HERC3: variants seen among roughly 807,000 people sequenced by gnomAD.
HERC3 encodes probable E3 ubiquitin-protein ligase HERC3.
In HERC3, 58 loss-of-function variants were observed where a neutral mutation model predicts 129.9. That is an observed-to-expected ratio of 0.45 (90% CI 0.36 to 0.56). HERC3 has a LOEUF of 0.56. Ranked by LOEUF, HERC3 falls within the 20% of genes least tolerant of loss-of-function variation. HERC3 has a pLI of 0.00. For missense variants in HERC3, 835 were observed against 1,244.2 expected (o/e 0.67, Z 4.95); for synonymous variants, 430 against 451.0 (o/e 0.95, Z 0.59).
chr4:88,543,180 T>C, the HERC3 span, among the ~76,000 whole-genome samples: 1 of 152,202 alleles, frequency 6.6e-6, no homozygotes, highest in Non-Finnish European at 1.5e-5. Context: ...ATTGTAAATT[T>C]AGAAGATCCC....
chr4:88,570,778 A>G, the HERC3 span, among the ~76,000 whole-genome samples: 1 of 150,824 alleles, frequency 6.6e-6, no homozygotes, highest in Non-Finnish European at 1.5e-5. Flanking sequence ...TTATTTATTT[A>G]TTTATTTATT....
At position 88,605,949 on chromosome 4, in the gene HERC3, G is replaced by T; in HGVS notation, c.126G>T (p.Gly42=). Residue 42 remains glycine (G), a synonymous_variant, in exon 3 of 26, where the codon GGG becomes GGT. Transcript: ENST00000402738. ...SDRSVKEVAC[G]GNHSVFLLED... ...GAAGTGTCAAGGAAGTGGCCTGTGGGGGAAACCACTCTGTGTTCCTGCTGG... is the reference window on the plus strand; with the variant it reads ...GAAGTGTCAAGGAAGTGGCCTGTGGTGGAAACCACTCTGTGTTCCTGCTGG... 6.2e-7 allele frequency: 1 copy of T among 1,614,132 alleles called. No individual in the cohort carries two copies. The highest frequency in any genetic ancestry group is 1.1e-5 in the South Asian group (1 of 91,088).
intron 3 of HERC3, among the ~76,000 whole-genome samples, chr4:88,614,040 T>C (rs1368940294): frequency 6.6e-6 from 1 of 152,200 alleles, no homozygotes; most frequent in Non-Finnish European, 1.5e-5. Flanking sequence ...TTAATGAGCA[T>C]ACTTGTTAGT....
chr4:88,569,454 C>A, the HERC3 span, among the ~76,000 whole-genome samples: 1 of 152,178 alleles, frequency 6.6e-6, no homozygotes, highest in African/African-American at 2.4e-5. Context: ...ATTTTTGGTT[C>A]TTATGAAGGT....
chr4:88,566,579 T>C, the HERC3 span, among the ~76,000 whole-genome samples: 1 of 152,224 alleles, frequency 6.6e-6, no homozygotes, highest in Non-Finnish European at 1.5e-5. Context: ...TGTGTACTTA[T>C]ATTACCAGTG....
chr4:88,559,218 A>G, the HERC3 span, among the ~76,000 whole-genome samples: 1 of 152,180 alleles, frequency 6.6e-6, no homozygotes, highest in Non-Finnish European at 1.5e-5. Flanking sequence ...CCAATAATGG[A>G]ACACTAGGCA....
chr4:88,598,493 A>T (rs115279990), intron 2 of HERC3, among the ~76,000 whole-genome samples: 3,020 of 152,320 alleles, frequency 0.02, 94 homozygotes, highest in African/African-American at 0.068. Flanking sequence ...AGTGAGGAAG[A>T]CAGGAGTCAC....
At chr4:88,528,392 G>A in the HERC3 span, among the ~76,000 whole-genome samples, 2 of 152,128 alleles carry the variant, frequency 1.3e-5, no homozygotes, top group Non-Finnish European at 2.9e-5. Context: ...CAGCAGCCAC[G>A]TCTCTCAAGG....
At chr4:88,698,739 T>C (rs551515722) in intron 23 of HERC3, among the ~76,000 whole-genome samples, 2 of 149,560 alleles carry the variant, frequency 1.3e-5, no homozygotes, top group East Asian at 4.0e-4. Flanking sequence ...CCACACCACA[T>C]CTTCTCCCTC....
chr4:88,630,088 C>T (rs1726572437), intron 3 of HERC3, among the ~76,000 whole-genome samples: 2 of 152,102 alleles, frequency 1.3e-5, no homozygotes, highest in South Asian at 4.1e-4. Context: ...GATTTTTATT[C>T]TGAGTGAGAA....
the HERC3 span, among the ~76,000 whole-genome samples, chr4:88,549,211 A>ATTTG: frequency 6.6e-6 from 1 of 152,008 alleles, no homozygotes; most frequent in Non-Finnish European, 1.5e-5. Context: ...TGTGGATGCA[A>ATTTG]TTTGTCCTAG....
rs1169476027 is a variant in HERC3, at chr4:88,655,154, T to C, written c.778-20T>C. ...CCCTTAAAGATACAGTGAAGTCCTA[T>C]GGTGTTTGTTCCTTGTTAGAGTGGA... On this transcript the variant is annotated intron_variant, in intron 7 of 25. Coordinates refer to ENST00000402738, the MANE Select transcript of HERC3 (RefSeq NM_014606.3). The C allele has an allele frequency of 1.9e-6, 3 of 1,613,328 alleles. No individual in the cohort carries two copies. Among genetic ancestry groups the C allele is most frequent in the East Asian group, 2.2e-5 (1 of 44,854 alleles).
rs760254047 is a variant in HERC3, at chr4:88,706,740, C to T, written c.2945-12C>T. The T allele has an allele frequency of 2.4e-5, 38 of 1,612,244 alleles. No individual in the cohort carries two copies. The Middle Eastern group carries it at 4.9e-4, about 21-fold the overall frequency. Reference sequence around the variant, plus strand: ...TTGCTTAGCTGCTAATGCCATTTCTCGTTCTCCCCAGTGTTCCTGACAGGC... The same window carrying T: ...TTGCTTAGCTGCTAATGCCATTTCTTGTTCTCCCCAGTGTTCCTGACAGGC... On this transcript the variant is annotated splice_polypyrimidine_tract_variant and intron_variant, in intron 25 of 25. Transcript: ENST00000402738.
At chr4:88,674,687 G>T (rs998258981) in intron 16 of HERC3, among the ~76,000 whole-genome samples, 1 of 151,916 alleles carries the variant, frequency 6.6e-6, no homozygotes, top group African/African-American at 2.4e-5. Context: ...GTGTGGTTTT[G>T]TTTTTTTGTT....
chr4:88,584,447 T>A, the HERC3 span, among the ~76,000 whole-genome samples: 1 of 152,350 alleles, frequency 6.6e-6, no homozygotes, highest in South Asian at 2.1e-4. Flanking sequence ...ATTGATTCTA[T>A]GCTGACAGTT....
chr4:88,597,019 G>GT (rs1239450545), intron 2 of HERC3, among the ~76,000 whole-genome samples: 1 of 152,158 alleles, frequency 6.6e-6, no homozygotes, highest in Non-Finnish European at 1.5e-5. Context: ...TTTTACTGCT[G>GT]TACAGTGTTC....
chr4:88,567,868 A>G, the HERC3 span, among the ~76,000 whole-genome samples: 1 of 152,262 alleles, frequency 6.6e-6, no homozygotes, highest in Admixed American at 6.5e-5. Flanking sequence ...TTGGGATTTG[A>G]AAAGCTATGT....
chr4:88,617,735 G>C (rs1006959292), intron 3 of HERC3, among the ~76,000 whole-genome samples: 3 of 152,156 alleles, frequency 2.0e-5, no homozygotes, highest in African/African-American at 7.2e-5. Context: ...GCAGGGCGTG[G>C]TGGTGGGCAC....
chr4:88,671,856 G>A (rs990783948), intron 16 of HERC3, among the ~76,000 whole-genome samples: 5 of 152,174 alleles, frequency 3.3e-5, no homozygotes, highest in African/African-American at 1.2e-4. Flanking sequence ...ATGAGTTAGA[G>A]TGTTCTAAAT....
Sources: allele counts gnomAD v4.1 joint callset (sites outside exome capture counted in the v4.1 genomes callset), GRCh38; gene constraint gnomAD v4.1.1; transcripts MANE v1.5; gene names NCBI Gene and HGNC (gene_info 2026-07-23, HGNC 2026-07-21).